Variants in CCDC91 observed in about 807,000 individuals in gnomAD.
CCDC91 encodes the protein coiled-coil domain containing 91.
CCDC91 carries 48 observed loss-of-function variants against 63.2 expected under a neutral mutation model. The observed-to-expected ratio is 0.76, with a 90% CI of 0.60 to 0.97. The LOEUF (loss-of-function observed/expected upper bound fraction) is 0.97. Ranked by LOEUF, CCDC91 falls within the 50% of genes least tolerant of loss-of-function variation. The pLI is 0.00. For synonymous variants in CCDC91, 167 were observed against 165.8 expected (o/e 1.01, Z -0.06); for missense variants, 500 against 494.6 (o/e 1.01, Z -0.10).
intron 8 of CCDC91, 39 bp from the exon 9 acceptor site, chr12:28,450,122 C>A: frequency 8.4e-7 from 1 of 1,188,666 alleles, no homozygotes; most frequent in Non-Finnish European, 1.2e-6. Context: ...AGATACCTGT[C>A]TCAGAGCCAT....
intron 8 of CCDC91, among the ~76,000 whole-genome samples, chr12:28,397,735 G>A (rs1946375550): frequency 6.6e-6 from 1 of 151,958 alleles, no homozygotes; most frequent in African/African-American, 2.4e-5. Context: ...TAAAGGATAA[G>A]TACAATATGC....
At chr12:28,346,064 T>C (rs1391778993) in intron 6 of CCDC91, among the ~76,000 whole-genome samples, 7 of 152,198 alleles carry the variant, frequency 4.6e-5, no homozygotes, top group Admixed American at 4.6e-4. Context: ...TATATATATT[T>C]GATCTTAATT....
intron 12 of CCDC91, among the ~76,000 whole-genome samples, chr12:28,496,829 G>A (rs186802668): frequency 4.0e-5 from 6 of 149,100 alleles, no homozygotes; most frequent in African/African-American, 1.5e-4. Context: ...TTAGGTTCTG[G>A]GTTCTATGTA....
rs569935812 is a variant in CCDC91 at position 28,388,723 on chromosome 12, A to G, written c.655-2581A>G. 2.6e-5 allele frequency among the ~76,000 whole-genome samples: 4 copies of G among 152,110 alleles called. No individual in the cohort carries two copies. In the South Asian group the frequency reaches 6.2e-4, roughly 24 times the overall value. ...TCAACCCAATTTCCATCAAAATACC[A>G]CCTTTGGAGAAAGCAAACAAAAACA... On this transcript the variant is annotated intron_variant, in intron 7 of 12. Transcript: ENST00000536442.
At chr12:28,474,004 G>A (rs2140724602) in intron 11 of CCDC91, among the ~76,000 whole-genome samples, 1 of 149,348 alleles carries the variant, frequency 6.7e-6, no homozygotes, top group East Asian at 1.9e-4. Context: ...GTGCACGTGT[G>A]TAAGAAATCT....
At chr12:28,528,875 A>G (rs866431740) in intron 12 of CCDC91, among the ~76,000 whole-genome samples, 7 of 152,302 alleles carry the variant, frequency 4.6e-5, no homozygotes, top group Middle Eastern at 3.4e-3. Context: ...GAAACTAGTT[A>G]AATGAACTAT....
At chr12:28,255,764 C>T (rs758095587) in intron 1 of CCDC91, 7 of 152,030 alleles carry the variant, frequency 4.6e-5, no homozygotes, top group Non-Finnish European at 8.8e-5. Context: ...AGTGTCATTA[C>T]CTACTGAGTT....
chr12:28,521,968 G>A (rs765475441), intron 12 of CCDC91, among the ~76,000 whole-genome samples: 22 of 152,056 alleles, frequency 1.4e-4, no homozygotes, highest in Non-Finnish European at 1.8e-4. Context: ...TGCTGGATTC[G>A]GTTTGCCAGT....
At chr12:28,406,981 T>C (rs1171885865) in intron 8 of CCDC91, among the ~76,000 whole-genome samples, 3 of 152,142 alleles carry the variant, frequency 2.0e-5, no homozygotes, top group East Asian at 1.9e-4. Context: ...TGGGAAGTCA[T>C]TGAATCATGG....
chr12:28,317,822 C>T (rs1342540973), intron 6 of CCDC91, among the ~76,000 whole-genome samples: 1 of 151,708 alleles, frequency 6.6e-6, no homozygotes. Context: ...TTTTTTTAAT[C>T]AGTATTTGCA....
intron 1 of CCDC91, among the ~76,000 whole-genome samples, chr12:28,191,638 C>T (rs892390562): frequency 6.6e-6 from 1 of 152,124 alleles, no homozygotes; most frequent in Non-Finnish European, 1.5e-5. Context: ...CTTCCCCCCC[C>T]CACAATATTT....
At chr12:28,464,005 C>T (rs558277898) in intron 11 of CCDC91, among the ~76,000 whole-genome samples, 5 of 152,272 alleles carry the variant, frequency 3.3e-5, no homozygotes, top group Admixed American at 3.3e-4. Flanking sequence ...CACCACCCCT[C>T]CCCATCCAGA....
chr12:28,381,446 T>C (rs1357745166), intron 7 of CCDC91, among the ~76,000 whole-genome samples: 3 of 152,118 alleles, frequency 2.0e-5, no homozygotes, highest in Admixed American at 2.0e-4. Context: ...TAGAATTATG[T>C]ATTATAAAAA....
chr12:28,391,242 G>T, intron 7 of CCDC91, 62 bp from the exon 8 acceptor site: 3 of 907,200 alleles, frequency 3.3e-6, no homozygotes, highest in Non-Finnish European at 5.5e-6. Flanking sequence ...AAATATTCTC[G>T]TGCCAACAGT....
rs1345141541 is a variant in CCDC91, at chr12:28,453,640, A to AT, written c.1101+987dup. On this transcript the variant is annotated intron_variant, in intron 11 of 12. Transcript: ENST00000536442. The stretch of plus-strand genomic sequence containing the variant: ...TAAAATAACAGTAGTACAGTAGCAG[A>AT]TCTTTTTTTTTCTTGCGTTTTTTCA... Among the ~76,000 whole-genome samples the AT allele has an allele frequency of 4.1e-4, 58 of 142,670 alleles. 2 individuals are homozygous for AT. Among genetic ancestry groups the AT allele is most frequent in the Admixed American group, 3.7e-3 (54 of 14,640 alleles). 93.6% of individuals were successfully genotyped at this position (142,670 alleles called of 152,430 possible).
At chr12:28,314,722 TA>T (rs1306809829) in intron 6 of CCDC91, among the ~76,000 whole-genome samples, 1 of 152,028 alleles carries the variant, frequency 6.6e-6, no homozygotes, top group Non-Finnish European at 1.5e-5. Flanking sequence ...GGAATGTGTG[TA>T]AAAAATGAAA....
At chr12:28,227,108 G>T (rs1438293245) in intron 1 of CCDC91, among the ~76,000 whole-genome samples, 8 of 152,106 alleles carry the variant, frequency 5.3e-5, no homozygotes, top group African/African-American at 1.9e-4. Flanking sequence ...TCATTGTTAA[G>T]CTGTGACTTA....
At chr12:28,510,791 T>G (rs927201049) in intron 12 of CCDC91, among the ~76,000 whole-genome samples, 1 of 151,926 alleles carries the variant, frequency 6.6e-6, no homozygotes, top group Admixed American at 6.6e-5. Context: ...AGCTATGAGA[T>G]AATTTTTTTA....
At chr12:28,519,338 G>A (rs1376634865) in intron 12 of CCDC91, among the ~76,000 whole-genome samples, 1 of 148,660 alleles carries the variant, frequency 6.7e-6, no homozygotes, top group Non-Finnish European at 1.5e-5. Context: ...ATTATAAAAG[G>A]GGTTGAGTAC....
Sources: allele counts gnomAD v4.1 joint callset (sites outside exome capture counted in the v4.1 genomes callset), GRCh38; gene constraint gnomAD v4.1.1; transcripts MANE v1.5; gene names NCBI Gene and HGNC (gene_info 2026-07-23, HGNC 2026-07-21).